The following PPARGC1A variants were observed in gnomAD, a reference collection of about 807,000 sequenced individuals.
PPARGC1A encodes the protein peroxisome proliferator-activated receptor gamma coactivator 1-alpha.
Under a neutral mutation model 88.7 loss-of-function variants are expected in PPARGC1A, and 25 were observed. The ratio of observed to expected loss-of-function variants is 0.28; its 90% CI spans 0.21 to 0.39. PPARGC1A has a LOEUF of 0.39. PPARGC1A is among the 10% of genes least tolerant of loss of function. PPARGC1A has a pLI of 1.00. For missense variants in PPARGC1A, 880 were observed against 968.7 expected (o/e 0.91, Z 1.22); for synonymous variants, 363 against 355.6 (o/e 1.02, Z -0.24).
At chr4:24,338,927 A>G in the PPARGC1A span, among the ~76,000 whole-genome samples, 2 of 152,134 alleles carry the variant, frequency 1.3e-5, no homozygotes, top group African/African-American at 4.8e-5. Context: ...TAAAATATCC[A>G]TGACATGAAA....
the PPARGC1A span, among the ~76,000 whole-genome samples, chr4:24,298,838 C>A: frequency 6.6e-6 from 1 of 152,160 alleles, no homozygotes. Context: ...ATCTGTCGTA[C>A]AAATTTACTC....
chr4:24,027,033 C>T, the PPARGC1A span, among the ~76,000 whole-genome samples: 53 of 152,158 alleles, frequency 3.5e-4, no homozygotes, highest in East Asian at 9.7e-3. Context: ...ACAAGGAAAG[C>T]TGTATTTTGT....
intron 2 of PPARGC1A, among the ~76,000 whole-genome samples, chr4:23,862,415 G>A (rs998100004): frequency 2.0e-5 from 3 of 152,270 alleles, no homozygotes; most frequent in South Asian, 2.1e-4. Flanking sequence ...GATGAGAAGC[G>A]TAGTGCCTGG....
chr4:23,959,599 C>A, the PPARGC1A span, among the ~76,000 whole-genome samples: 1 of 152,036 alleles, frequency 6.6e-6, no homozygotes, highest in Non-Finnish European at 1.5e-5. Context: ...TTCCTCTTGG[C>A]AACTTGGAAA....
intron 2 of PPARGC1A, among the ~76,000 whole-genome samples, chr4:23,838,510 T>TA (rs1726453594): frequency 6.6e-6 from 1 of 152,246 alleles, no homozygotes; most frequent in Non-Finnish European, 1.5e-5. Flanking sequence ...ATGTGTGCAA[T>TA]AAAAAAATCA....
At chr4:24,142,183 G>A in the PPARGC1A span, among the ~76,000 whole-genome samples, 1 of 152,188 alleles carries the variant, frequency 6.6e-6, no homozygotes, top group Non-Finnish European at 1.5e-5. Context: ...CCTCCATAGA[G>A]TGTTTGAAGC....
the PPARGC1A span, among the ~76,000 whole-genome samples, chr4:24,195,623 G>A: frequency 2.6e-5 from 4 of 152,128 alleles, no homozygotes; most frequent in African/African-American, 9.7e-5. Context: ...TTTAAATAGC[G>A]ATTTTAAGAC....
chr4:24,322,373 C>T, the PPARGC1A span, among the ~76,000 whole-genome samples: 1 of 152,206 alleles, frequency 6.6e-6, no homozygotes, highest in Non-Finnish European at 1.5e-5. Flanking sequence ...AATGGAGAAG[C>T]AGAAAATGGT....
chr4:24,053,766 A>C, the PPARGC1A span, among the ~76,000 whole-genome samples: 3 of 152,186 alleles, frequency 2.0e-5, no homozygotes, highest in Admixed American at 6.5e-5. Flanking sequence ...AGATTAAATG[A>C]GATAATCTGC....
chr4:23,813,112 A>T lies in PPARGC1A; in HGVS notation c.1807T>A (p.Tyr603Asn). The change falls in exon 9 of 13, where the codon TAT becomes AAT. Residue 603 changes from tyrosine to asparagine, a missense_variant. Physicochemically the swap from Tyr to Asn is moderately radical, Grantham distance 143. Transcript: ENST00000264867. ...CGGTGTCTGTAGTGGCTTGACTCAT[A>T]GTAATAGCAGGATCTGCGCCAGAGG... ...SRSSSRSCYY[Y>N]ESSHYRHRTH... 1 of 1,614,012 alleles carries T rather than the reference A, an allele frequency of 6.2e-7. No individual in the cohort carries two copies. Among genetic ancestry groups the T allele is most frequent in the Non-Finnish European group, 8.5e-7 (1 of 1,179,900 alleles).
intron 10 of PPARGC1A, among the ~76,000 whole-genome samples, chr4:23,810,079 G>A (rs1720606615): frequency 6.6e-6 from 1 of 152,170 alleles, no homozygotes; most frequent in South Asian, 2.1e-4. Flanking sequence ...ATTTATTACA[G>A]AAAGAGCTAT....
At chr4:24,466,909 A>G in the PPARGC1A span, among the ~76,000 whole-genome samples, 10 of 132,152 alleles carry the variant, frequency 7.6e-5, no homozygotes, top group East Asian at 2.2e-4. Flanking sequence ...AAGAGGAAGG[A>G]AGGAAGGAAG....
intron 12 of PPARGC1A, among the ~76,000 whole-genome samples, chr4:23,799,778 C>T (rs1718319344): frequency 6.6e-6 from 1 of 152,116 alleles, no homozygotes; most frequent in African/African-American, 2.4e-5. Flanking sequence ...CCAATCCTCC[C>T]TCTCTACCAG....
chr4:24,095,301 A>G, the PPARGC1A span, among the ~76,000 whole-genome samples: 147,870 of 151,994 alleles, frequency 0.97, 71,951 homozygotes, highest in East Asian at 1. Context: ...ATTTTTAGCA[A>G]AGGCAGGGTT....
chr4:24,370,712 C>T, the PPARGC1A span, among the ~76,000 whole-genome samples: 1 of 136,694 alleles, frequency 7.3e-6, no homozygotes, highest in Non-Finnish European at 1.5e-5. Flanking sequence ...CCACTCCATT[C>T]TCTTCTCATC....
the PPARGC1A span, among the ~76,000 whole-genome samples, chr4:24,098,166 A>G: frequency 6.6e-6 from 1 of 152,242 alleles, no homozygotes. Flanking sequence ...TTCTGTACTC[A>G]GGTTGTTGGA....
chr4:23,878,443 T>C (rs1156767187), intron 2 of PPARGC1A, among the ~76,000 whole-genome samples: 2 of 151,808 alleles, frequency 1.3e-5, no homozygotes, highest in Admixed American at 1.3e-4. Context: ...CAGTGAAAGA[T>C]GGTCACGTAA....
At chr4:24,459,766 G>A in the PPARGC1A span, among the ~76,000 whole-genome samples, 1 of 152,200 alleles carries the variant, frequency 6.6e-6, no homozygotes, top group Admixed American at 6.5e-5. Context: ...AATCCAGCAT[G>A]AGCGACAGAG....
the PPARGC1A span, among the ~76,000 whole-genome samples, chr4:24,457,377 T>A: frequency 6.6e-6 from 1 of 152,204 alleles, no homozygotes; most frequent in Non-Finnish European, 1.5e-5. Context: ...TGGGGTTTAA[T>A]GTTTCATCTT....
Sources: allele counts gnomAD v4.1 joint callset (sites outside exome capture counted in the v4.1 genomes callset), GRCh38; gene constraint gnomAD v4.1.1; transcripts MANE v1.5; gene names NCBI Gene and HGNC (gene_info 2026-07-23, HGNC 2026-07-21).